The following CDRT4 variants were observed in gnomAD, a reference collection of about 807,000 sequenced individuals.
The protein encoded by CDRT4 is CMT1A duplicated region transcript 4 protein.
For missense variants in CDRT4, 167 were observed against 193.1 expected (o/e 0.87, Z 0.80); for synonymous variants, 64 against 69.6 (o/e 0.92, Z 0.40).
At position 15,450,293 on chromosome 17, in the gene CDRT4, C is replaced by T. The variant is rs543174275; in HGVS notation, c.-48+2711G>A. ...CAAGAACTCCCTCATCTCCCACCAT[C>T]ACTCGTACCAACTCTCCACCATAAG... On this transcript the variant is annotated intron_variant, in intron 2 of 3. Coordinates refer to ENST00000619038, the MANE Select transcript of CDRT4 (RefSeq NM_001204477.2). The surrounding 1 kb of genome is among the most constrained non-coding windows in gnomAD (Gnocchi z 4.2). 6.6e-6 allele frequency among the ~76,000 whole-genome samples: 1 copy of T among 152,330 alleles called. No individual in the cohort carries two copies. The highest frequency in any genetic ancestry group is 1.5e-5 in the Non-Finnish European group (1 of 68,036).
At chr17:15,443,828 C>T (rs1243940414) in intron 2 of CDRT4, 2 of 559,088 alleles carry the variant, frequency 3.6e-6, no homozygotes, top group Non-Finnish European at 6.9e-6. Context: ...AAAGGAACTG[C>T]TACCGTTTGG....
chr17:15,439,882 T>C (rs1042795913), intron 3 of CDRT4, among the ~76,000 whole-genome samples: 3 of 151,982 alleles, frequency 2.0e-5, no homozygotes, highest in South Asian at 2.1e-4. Flanking sequence ...TAGGTGGGAA[T>C]TGAACAATGA....
Position 15,450,434 on chromosome 17 carries a change from A to G in CDRT4, c.-48+2570T>C, listed in dbSNP as rs1979209144. On this transcript the variant is annotated intron_variant, in intron 2 of 3. Transcript: ENST00000619038. This position sits in a 1 kb window ranked among gnomAD's most constrained non-coding sequence, Gnocchi z 4.2. ...CTCACCCTCCACCTTCCAAAATGCA[A>G]TGGTCATGGATAGAGTTGAGCACTC... is the stretch of plus-strand genomic sequence containing the variant. Among the ~76,000 whole-genome samples the G allele has an allele frequency of 6.6e-6, 1 of 152,104 alleles. No individual in the cohort carries two copies. The highest frequency in any genetic ancestry group is 2.4e-5 in the African/African-American group (1 of 41,422).
In CDRT4 at chr17:15,457,569, G is replaced by A. The variant is rs183740599; in HGVS notation, c.-129-4484C>T. Among the ~76,000 whole-genome samples, 545 of 152,360 alleles carry A rather than the reference G, an allele frequency of 3.6e-3. 1 individual carries two copies. The highest frequency in any genetic ancestry group is 0.012 in the African/African-American group (504 of 41,576). On this transcript the variant is annotated intron_variant, in intron 1 of 3. Transcript: ENST00000619038. ...ACTGCCGTAAACCTGTTTCTGTCCC[G>A]TTGGAGCTGCAACGTGGAGCCAGAA...
At chr17:15,454,117 A>T (rs1011244016) in intron 1 of CDRT4, among the ~76,000 whole-genome samples, 1 of 152,190 alleles carries the variant, frequency 6.6e-6, no homozygotes, top group Non-Finnish European at 1.5e-5. Flanking sequence ...GAAGGGACTG[A>T]AGTCATGGGA....
chr17:15,465,062 A>G (rs759928873), intron 1 of CDRT4, among the ~76,000 whole-genome samples: 1 of 149,710 alleles, frequency 6.7e-6, no homozygotes, highest in Non-Finnish European at 1.5e-5. Flanking sequence ...ACACACACCA[A>G]CACAGACACA....
rs1979193718 is a variant in CDRT4, at chr17:15,450,018, A to AT, written c.-48+2985dup. Reference sequence around the variant, plus strand: ...TATTATGAATAGTGCTGGGATAAACATATGAGTGCAGGTGTCTTTTTGATA... The same window carrying AT: ...TATTATGAATAGTGCTGGGATAAACATTATGAGTGCAGGTGTCTTTTTGATA... On this transcript the variant is annotated intron_variant, in intron 2 of 3. Transcript: ENST00000619038. This position sits in a 1 kb window ranked among gnomAD's most constrained non-coding sequence, Gnocchi z 4.2. 6.6e-6 allele frequency among the ~76,000 whole-genome samples: 1 copy of AT among 152,382 alleles called. No individual in the cohort carries two copies. Among genetic ancestry groups the AT allele is most frequent in the South Asian group, 2.1e-4 (1 of 4,828 alleles).
intron 2 of CDRT4, among the ~76,000 whole-genome samples, chr17:15,445,458 A>C (rs1346097816): frequency 1.3e-5 from 2 of 152,208 alleles, no homozygotes; most frequent in Non-Finnish European, 2.9e-5. Context: ...ATTCTCCAAA[A>C]GGAAGACTGA....
chr17:15,438,296 G>T, intron 3 of CDRT4, 96 bp from the exon 4 acceptor site: 1 of 1,236,460 alleles, frequency 8.1e-7, no homozygotes, highest in Non-Finnish European at 1.1e-6. Context: ...AGATTTTGAA[G>T]TCCTCCCTAT....
At chr17:15,442,251 A>T (rs1302607453) in intron 2 of CDRT4, among the ~76,000 whole-genome samples, 1 of 151,956 alleles carries the variant, frequency 6.6e-6, no homozygotes, top group Non-Finnish European at 1.5e-5. Flanking sequence ...TCTCTACTAA[A>T]TATACAAAAT....
At chr17:15,447,606 G>A (rs144758881) in intron 2 of CDRT4, among the ~76,000 whole-genome samples, 123 of 152,262 alleles carry the variant, frequency 8.1e-4, no homozygotes, top group African/African-American at 2.6e-3. Context: ...TACTTATCAG[G>A]TACAACCATG....
intron 1 of CDRT4, among the ~76,000 whole-genome samples, chr17:15,456,635 G>T (rs1979497742): frequency 6.6e-6 from 1 of 151,608 alleles, no homozygotes; most frequent in African/African-American, 2.4e-5. Flanking sequence ...ACAGCACGGG[G>T]TCTAGAATGG....
chr17:15,460,393 C>A (rs1011347836), intron 1 of CDRT4, among the ~76,000 whole-genome samples: 3 of 137,322 alleles, frequency 2.2e-5, no homozygotes, highest in African/African-American at 1.0e-4. Context: ...ACAACTACTA[C>A]TGCTGCTAAT....
intron 2 of CDRT4, among the ~76,000 whole-genome samples, chr17:15,442,433 A>G (rs547110162): frequency 4.1e-4 from 63 of 151,982 alleles, no homozygotes; most frequent in African/African-American, 1.2e-3. Flanking sequence ...AAAAAGAAAG[A>G]AAGAAATTTT....
At chr17:15,442,323 T>TCA (rs1352257425) in intron 2 of CDRT4, among the ~76,000 whole-genome samples, 1 of 150,582 alleles carries the variant, frequency 6.6e-6, no homozygotes, top group Non-Finnish European at 1.5e-5. Context: ...GGCAGAAGAG[T>TCA]CACTTGAACC....
intron 1 of CDRT4, among the ~76,000 whole-genome samples, chr17:15,453,366 G>A (rs1029714879): frequency 1.3e-5 from 2 of 152,204 alleles, no homozygotes; most frequent in African/African-American, 4.8e-5. Flanking sequence ...TAGAAAATAT[G>A]TGTGGGTAAC....
At position 15,440,262 on chromosome 17, in the gene CDRT4, T is replaced by C; in HGVS notation, c.-24A>G. The C allele has an allele frequency of 6.2e-7, 1 of 1,613,010 alleles. No homozygotes were observed. The highest frequency in any genetic ancestry group is 8.5e-7 in the Non-Finnish European group (1 of 1,180,002). On this transcript the variant is annotated 5_prime_UTR_variant, in exon 3 of 4. Coordinates refer to ENST00000619038, the MANE Select transcript of CDRT4 (RefSeq NM_001204477.2). ...ATCTTCTTTTTAATATTTACTGATTTCTTAACATCACAGGTTCAGATTCCT... is the reference window on the plus strand; with the variant it reads ...ATCTTCTTTTTAATATTTACTGATTCCTTAACATCACAGGTTCAGATTCCT...
At chr17:15,448,712 C>T (rs1023401066) in intron 2 of CDRT4, among the ~76,000 whole-genome samples, 5 of 152,022 alleles carry the variant, frequency 3.3e-5, no homozygotes, top group African/African-American at 1.2e-4. Context: ...AAACCATTTT[C>T]CTTCCTTCCT....
intron 2 of CDRT4, among the ~76,000 whole-genome samples, chr17:15,444,440 A>G (rs914108429): frequency 1.3e-5 from 2 of 152,204 alleles, no homozygotes; most frequent in African/African-American, 4.8e-5. Flanking sequence ...CAGTACAGGC[A>G]CTGGAATTAA....
Sources: gnomAD v4.1 joint callset for allele counts (sites outside exome capture counted in the v4.1 genomes callset) on GRCh38, gnomAD v4.1.1 for gene constraint, Gnocchi (gnomAD v3.1) non-coding constraint, MANE v1.5 for transcripts, NCBI Gene and HGNC (gene_info 2026-07-23, HGNC 2026-07-21) for gene names.